The following RAB31 variants were observed in gnomAD, a reference collection of about 807,000 sequenced individuals.
The protein encoded by RAB31 is ras-related protein Rab-31.
Under a neutral mutation model 25.6 loss-of-function variants are expected in RAB31, and 21 were observed. That is an observed-to-expected ratio of 0.82 (90% CI 0.58 to 1.18). The LOEUF (loss-of-function observed/expected upper bound fraction) is 1.18, where lower values mean the gene tolerates loss of function less well. Among genes scored for constraint, RAB31 ranks in the 50% most tolerant of loss-of-function variants. The probability of loss-of-function intolerance (pLI) is 0.00; values close to 1 mark genes in which losing one functional copy is unlikely to be tolerated. For synonymous variants in RAB31, 87 were observed against 84.0 expected, an observed-to-expected ratio of 1.04 and a Z score of -0.20; for missense variants, 196 against 250.1, an observed-to-expected ratio of 0.78 and a Z score of 1.46.
At chr18:9,842,161 C>G (rs1296523628) in intron 5 of RAB31, among the ~76,000 whole-genome samples, 1 of 152,168 alleles carries the variant, frequency 6.6e-6, no homozygotes, top group Admixed American at 6.5e-5. Context: ...CACCAGTGTG[C>G]TCAGCAGCCC....
At chr18:9,710,547 C>T (rs1053352095) in intron 1 of RAB31, among the ~76,000 whole-genome samples, 5 of 152,108 alleles carry the variant, frequency 3.3e-5, no homozygotes, top group Non-Finnish European at 7.4e-5. Context: ...TCTGGGCAGA[C>T]GGAGGCTTTG....
intron 5 of RAB31, among the ~76,000 whole-genome samples, chr18:9,824,290 GTATGTGTGTGTAGATGTGTA>G (rs1273352855): frequency 1.3e-4 from 11 of 86,470 alleles, no homozygotes; most frequent in Non-Finnish European, 2.7e-4. Context: ...AGATGTGTGT[GTATGTGTGTGTAGATGTGTA>G]TGTGTGTGTA....
chr18:9,802,042 CT>C (rs201736235), intron 3 of RAB31, among the ~76,000 whole-genome samples: 1,624 of 152,294 alleles, frequency 0.011, 31 homozygotes, highest in African/African-American at 0.038. Flanking sequence ...TACATTTTTT[CT>C]CCTTATGCCA....
intron 1 of RAB31, among the ~76,000 whole-genome samples, chr18:9,712,384 G>A (rs539597842): frequency 2.8e-4 from 43 of 152,356 alleles, no homozygotes; most frequent in African/African-American, 8.7e-4. Context: ...GAAGTCAGCC[G>A]TGCAGGAGGG....
intron 5 of RAB31, among the ~76,000 whole-genome samples, chr18:9,842,084 A>G (rs1380674561): frequency 6.6e-6 from 1 of 152,106 alleles, no homozygotes; most frequent in Admixed American, 6.5e-5. Flanking sequence ...AATGGAAGAG[A>G]TAGTGAGGGC....
At chr18:9,820,501 C>T (rs1257928338) in intron 5 of RAB31, among the ~76,000 whole-genome samples, 2 of 151,994 alleles carry the variant, frequency 1.3e-5, no homozygotes, top group Non-Finnish European at 2.9e-5. Flanking sequence ...GGTATCAGGG[C>T]AATAACAGTC....
intron 3 of RAB31, among the ~76,000 whole-genome samples, chr18:9,798,399 G>C (rs1039932049): frequency 2.0e-5 from 3 of 152,092 alleles, no homozygotes; most frequent in African/African-American, 7.2e-5. Context: ...TAATGATGTT[G>C]CCTAATGTTT....
intron 3 of RAB31, among the ~76,000 whole-genome samples, chr18:9,808,602 C>A (rs551136277): frequency 6.6e-6 from 1 of 152,232 alleles, no homozygotes; most frequent in Admixed American, 6.5e-5. Flanking sequence ...TCTTCTACCC[C>A]TTCTCTCTTT....
Position 9,783,798 on chromosome 18 carries a change from A to T in RAB31, c.120-8356A>T, listed in dbSNP as rs561190710. Among the ~76,000 whole-genome samples the T allele has an allele frequency of 1.1e-3, 174 of 152,334 alleles. 1 individual carries two copies. The highest frequency in any genetic ancestry group is 3.9e-3 in the African/African-American group (163 of 41,582). On this transcript the variant is annotated intron_variant, in intron 2 of 6. Transcript: ENST00000578921. ...GAGAAAAATTCCTTTACAAAGAAAA[A>T]TGCAAGCGAACAATAAATGTTAAAA...
At chr18:9,788,104 G>T (rs2068442838) in intron 2 of RAB31, among the ~76,000 whole-genome samples, 1 of 152,158 alleles carries the variant, frequency 6.6e-6, no homozygotes, top group African/African-American at 2.4e-5. Flanking sequence ...TCTTGAAAAG[G>T]CTACTTTACT....
Position 9,811,583 on chromosome 18 carries a change from C to T in RAB31, c.202-2437C>T, listed in dbSNP as rs554857743. ...AGCTGCTTTGTTCAAAACTTAAAAA[C>T]CATATTATTTAAAACTCATTGTAAA... On this transcript the variant is annotated intron_variant, in intron 3 of 6. Coordinates refer to ENST00000578921, the MANE Select transcript of RAB31 (RefSeq NM_006868.4). Among the ~76,000 whole-genome samples, 31 of 152,280 alleles carry T rather than the reference C, an allele frequency of 2.0e-4. 1 individual carries two copies. In the South Asian group the frequency reaches 4.6e-3, roughly 22 times the overall value.
chr18:9,744,618 C>T (rs1006920106), intron 1 of RAB31, among the ~76,000 whole-genome samples: 1 of 152,058 alleles, frequency 6.6e-6, no homozygotes, highest in Non-Finnish European at 1.5e-5. Flanking sequence ...CAAGAATGGG[C>T]CCTAACAAGA....
chr18:9,759,661 T>C (rs2068277766), intron 1 of RAB31, among the ~76,000 whole-genome samples: 1 of 151,876 alleles, frequency 6.6e-6, no homozygotes, highest in Admixed American at 6.6e-5. Flanking sequence ...ACCAACAAGG[T>C]ATATGCTTGC....
intron 5 of RAB31, among the ~76,000 whole-genome samples, chr18:9,823,139 C>T (rs189000583): frequency 6.6e-6 from 1 of 152,156 alleles, no homozygotes; most frequent in East Asian, 1.9e-4. Context: ...GGAATTGTGC[C>T]GAGTGAATGA....
intron 6 of RAB31, chr18:9,855,930 A>G (rs2068813773): frequency 6.6e-6 from 1 of 151,944 alleles, no homozygotes; most frequent in Admixed American, 6.6e-5. Context: ...CTCCATCATC[A>G]TTTGTTCCTC....
chr18:9,826,134 T>A (rs1319424524), intron 5 of RAB31, among the ~76,000 whole-genome samples: 1 of 152,130 alleles, frequency 6.6e-6, no homozygotes, highest in Non-Finnish European at 1.5e-5. Flanking sequence ...CCCAACATGT[T>A]GGGAGGCTGA....
chr18:9,774,838 A>G (rs1190479808), intron 1 of RAB31: 3 of 517,632 alleles, frequency 5.8e-6, no homozygotes, highest in Non-Finnish European at 1.2e-5. Flanking sequence ...ACTAGAATTA[A>G]TAGGTCTTAA....
At chr18:9,735,843 A>G (rs2068148400) in intron 1 of RAB31, among the ~76,000 whole-genome samples, 1 of 152,150 alleles carries the variant, frequency 6.6e-6, no homozygotes, top group African/African-American at 2.4e-5. Flanking sequence ...CCAATATGAA[A>G]ACATGTTTTT....
chr18:9,832,234 C>T (rs563820202), intron 5 of RAB31, among the ~76,000 whole-genome samples: 2 of 152,342 alleles, frequency 1.3e-5, no homozygotes, highest in South Asian at 4.1e-4. Flanking sequence ...CGGTGGTGGC[C>T]TCACATCACC....
Sources: gnomAD v4.1 joint callset for allele counts (sites outside exome capture counted in the v4.1 genomes callset) on GRCh38, gnomAD v4.1.1 for gene constraint, MANE v1.5 for transcripts, NCBI Gene and HGNC (gene_info 2026-07-23, HGNC 2026-07-21) for gene names.